DGKB: variants seen among roughly 807,000 people sequenced by gnomAD.
DGKB encodes the protein 90 kDa diacylglycerol kinase.
Under a neutral mutation model 114.3 loss-of-function variants are expected in DGKB, and 67 were observed. That is an observed-to-expected ratio of 0.59 (90% CI 0.48 to 0.72). The LOEUF (loss-of-function observed/expected upper bound fraction) is 0.72. Among genes scored for constraint, DGKB ranks in the 30% least tolerant of loss-of-function variants. The probability of loss-of-function intolerance (pLI) is 0.00; values close to 1 mark genes in which losing one functional copy is unlikely to be tolerated. For missense variants in DGKB, 907 were observed against 975.2 expected, an observed-to-expected ratio of 0.93 and a Z score of 0.93; for synonymous variants, 398 against 323.1, an observed-to-expected ratio of 1.23 and a Z score of -2.49.
chr7:14,321,190 C>T (rs992433936), intron 23 of DGKB, among the ~76,000 whole-genome samples: 1 of 152,018 alleles, frequency 6.6e-6, no homozygotes, highest in African/African-American at 2.4e-5. Context: ...GCTTGGGAAG[C>T]TGAGGTGGGA....
chr7:14,545,072 C>T (rs563049891), intron 20 of DGKB, among the ~76,000 whole-genome samples: 1 of 152,064 alleles, frequency 6.6e-6, no homozygotes, highest in African/African-American at 2.4e-5. Flanking sequence ...TGTCTTCAGC[C>T]TCCCTTTTTA....
chr7:14,843,555 C>T (rs933592130), intron 1 of DGKB, among the ~76,000 whole-genome samples: 4 of 151,288 alleles, frequency 2.6e-5, no homozygotes, highest in Non-Finnish European at 5.9e-5. Context: ...AGGATGGTCT[C>T]GATCTCCTGA....
chr7:14,330,186 C>A (rs1809479097), intron 23 of DGKB, among the ~76,000 whole-genome samples: 1 of 151,966 alleles, frequency 6.6e-6, no homozygotes, highest in African/African-American at 2.4e-5. Context: ...ATAAGATTAA[C>A]AATCTGAGCC....
At chr7:14,343,036 A>G (rs916134829) in intron 22 of DGKB, among the ~76,000 whole-genome samples, 1 of 151,776 alleles carries the variant, frequency 6.6e-6, no homozygotes, top group Non-Finnish European at 1.5e-5. Flanking sequence ...CAAATTTTCG[A>G]ATTTCTGTTT....
chr7:14,812,468 G>GTCTATTC (rs1843575043), intron 2 of DGKB, among the ~76,000 whole-genome samples: 1 of 151,942 alleles, frequency 6.6e-6, no homozygotes, highest in African/African-American at 2.4e-5. Context: ...CACTCACGTG[G>GTCTATTC]ACATTTAAAT....
chr7:14,215,819 G>A (rs17167972), intron 23 of DGKB, among the ~76,000 whole-genome samples: 5,313 of 152,114 alleles, frequency 0.035, 216 homozygotes, highest in African/African-American at 0.098. Context: ...AATGGAAAAA[G>A]ACAAGATTTG....
chr7:14,315,124 T>C (rs1337266317), intron 23 of DGKB, among the ~76,000 whole-genome samples: 1 of 145,522 alleles, frequency 6.9e-6, no homozygotes, highest in Non-Finnish European at 1.5e-5. Context: ...AAAGAGCTCC[T>C]GAAGGAAGCG....
intron 2 of DGKB, among the ~76,000 whole-genome samples, chr7:14,821,384 C>T (rs1035781067): frequency 6.6e-6 from 1 of 152,006 alleles, no homozygotes; most frequent in Non-Finnish European, 1.5e-5. Flanking sequence ...TACACAAATC[C>T]AATCACATTA....
intron 25 of DGKB, among the ~76,000 whole-genome samples, chr7:14,163,687 T>C (rs1362975652): frequency 6.6e-6 from 1 of 152,034 alleles, no homozygotes; most frequent in Non-Finnish European, 1.5e-5. Flanking sequence ...ATTATCAACA[T>C]TTAGGCTTAT....
rs914841387 is a variant in DGKB at position 14,145,963 on chromosome 7, G to T, written c.*3168C>A. On this transcript the variant is annotated 3_prime_UTR_variant, in exon 26 of 26. Transcript: ENST00000402815. Reference sequence around the variant, plus strand: ...AAAACAAAATAAAATGTGGAAACACGTATGTGATTCATTAGCCCTCACTGG... The same window carrying T: ...AAAACAAAATAAAATGTGGAAACACTTATGTGATTCATTAGCCCTCACTGG... The T allele has an allele frequency of 2.0e-5, 3 of 152,192 alleles. No individual in the cohort carries two copies. Among genetic ancestry groups the T allele is most frequent in the Admixed American group, 6.5e-5 (1 of 15,276 alleles). 9.4% of individuals were successfully genotyped at this position (152,192 alleles called of 1,614,324 possible). A position where few individuals can be genotyped will look rare whatever the true frequency, so the allele number is the denominator to read the frequency against.
At chr7:14,938,707 CAT>C (rs1361218638) in intron 1 of DGKB, among the ~76,000 whole-genome samples, 2 of 151,644 alleles carry the variant, frequency 1.3e-5, no homozygotes, top group South Asian at 4.2e-4. Flanking sequence ...GAATTGAAAA[CAT>C]ATTGTGAGTT....
At chr7:14,569,169 T>C (rs1379840536) in intron 20 of DGKB, among the ~76,000 whole-genome samples, 1 of 152,202 alleles carries the variant, frequency 6.6e-6, no homozygotes, top group Non-Finnish European at 1.5e-5. Context: ...GCTCTGATTA[T>C]GTCCCTGAGC....
chr7:14,714,640 G>T (rs1013543735), intron 6 of DGKB, among the ~76,000 whole-genome samples: 1 of 152,074 alleles, frequency 6.6e-6, no homozygotes, highest in Admixed American at 6.6e-5. Flanking sequence ...ACATTATCTG[G>T]ATTAATTTTT....
chr7:14,427,182 C>T (rs1428109750), intron 21 of DGKB, among the ~76,000 whole-genome samples: 3 of 152,046 alleles, frequency 2.0e-5, no homozygotes, highest in African/African-American at 7.2e-5. Context: ...GAGCAGCAAA[C>T]CACCATGGCA....
chr7:14,629,517 T>C (rs77290879), intron 14 of DGKB, among the ~76,000 whole-genome samples: 2,570 of 152,160 alleles, frequency 0.017, 31 homozygotes, highest in Non-Finnish European at 0.024. Context: ...AGCAATACTT[T>C]CTAAAATAAG....
chr7:14,889,376 G>C (rs1004730250), intron 1 of DGKB, among the ~76,000 whole-genome samples: 2 of 151,640 alleles, frequency 1.3e-5, no homozygotes, highest in Non-Finnish European at 3.0e-5. Context: ...AGGACTAAAG[G>C]GCTAGCCCCT....
chr7:14,847,707 A>T (rs2128151873), intron 1 of DGKB, among the ~76,000 whole-genome samples: 1 of 152,360 alleles, frequency 6.6e-6, no homozygotes, highest in East Asian at 1.9e-4. Flanking sequence ...AAAAGGCAAC[A>T]AAGTCTATAA....
intron 14 of DGKB, among the ~76,000 whole-genome samples, chr7:14,628,610 AATGT>A (rs1809084619): frequency 6.6e-6 from 1 of 152,200 alleles, no homozygotes; most frequent in Admixed American, 6.5e-5. Flanking sequence ...TTAAACATTT[AATGT>A]ATGTATATAT....
In DGKB at chr7:14,583,266, A is replaced by T. The variant is rs868579557; in HGVS notation, c.1434-129T>A. 3.7e-5 allele frequency: 20 copies of T among 545,060 alleles called. 2 individuals carry two copies. The Middle Eastern group carries it at 5.9e-3, about 160-fold the overall frequency. 33.8% of individuals were successfully genotyped at this position (545,060 alleles called of 1,614,324 possible). On this transcript the variant is annotated intron_variant, in intron 17 of 25. Coordinates refer to ENST00000402815, the MANE Select transcript of DGKB (RefSeq NM_001350709.2). ...ATAAAAACTGTAAAATATCTCAGTG[A>T]TAACTTACATATCCTTTAATCCTAT...
Sources: allele counts gnomAD v4.1 joint callset (sites outside exome capture counted in the v4.1 genomes callset), GRCh38; gene constraint gnomAD v4.1.1; transcripts MANE v1.5; gene names NCBI Gene and HGNC (gene_info 2026-07-23, HGNC 2026-07-21).